The following CTNND2 variants were observed in gnomAD, a reference collection of about 807,000 sequenced individuals.
CTNND2 encodes the protein catenin delta-2.
A neutral mutation model predicts 144.4 loss-of-function variants in CTNND2; 22 were observed. The ratio of observed to expected loss-of-function variants is 0.15; its 90% CI spans 0.11 to 0.22. The LOEUF (loss-of-function observed/expected upper bound fraction) is 0.22. CTNND2 is among the 10% of genes least tolerant of loss of function. The pLI is 1.00. For missense variants in CTNND2, 1,353 were observed against 1,618.8 expected (o/e 0.84, Z 2.82); for synonymous variants, 751 against 695.6 (o/e 1.08, Z -1.25).
At chr5:11,729,399 G>C (rs1163227182) in intron 2 of CTNND2, among the ~76,000 whole-genome samples, 3 of 151,970 alleles carry the variant, frequency 2.0e-5, no homozygotes, top group Admixed American at 1.3e-4. Flanking sequence ...TACTTTTCTA[G>C]ATGCTCATAA....
At chr5:11,679,612 C>T (rs948311723) in intron 2 of CTNND2, among the ~76,000 whole-genome samples, 2 of 152,194 alleles carry the variant, frequency 1.3e-5, no homozygotes, top group African/African-American at 4.8e-5. Flanking sequence ...TCATTGGCTG[C>T]AATCAAGTGG....
At chr5:11,287,138 T>G (rs2150007917) in intron 9 of CTNND2, among the ~76,000 whole-genome samples, 1 of 152,364 alleles carries the variant, frequency 6.6e-6, no homozygotes, top group South Asian at 2.1e-4. Flanking sequence ...TCAATTTGAC[T>G]AGGCCACAGT....
chr5:11,655,080 T>C (rs2561627), intron 2 of CTNND2, among the ~76,000 whole-genome samples: 56,289 of 151,898 alleles, frequency 0.37, 13,543 homozygotes, highest in African/African-American at 0.69. Flanking sequence ...TCAGTTATAC[T>C]GGGTTAAATA....
chr5:11,882,208 T>G (rs2127077487), intron 1 of CTNND2, among the ~76,000 whole-genome samples: 1 of 152,148 alleles, frequency 6.6e-6, no homozygotes, highest in African/African-American at 2.4e-5. Context: ...TATACAGAAG[T>G]TTCTTAGTTT....
chr5:11,038,301 C>T (rs1472217909), intron 16 of CTNND2, among the ~76,000 whole-genome samples: 1 of 152,124 alleles, frequency 6.6e-6, no homozygotes, highest in East Asian at 1.9e-4. Context: ...ACAGCCTGAG[C>T]TTCGCCTTCT....
At chr5:11,170,637 C>T (rs1300613110) in intron 11 of CTNND2, among the ~76,000 whole-genome samples, 2 of 152,024 alleles carry the variant, frequency 1.3e-5, no homozygotes, top group Admixed American at 6.6e-5. Flanking sequence ...ATGGAAGAAA[C>T]ATCAGATTGA....
chr5:11,702,610 T>C (rs1785503419), intron 2 of CTNND2, among the ~76,000 whole-genome samples: 1 of 152,206 alleles, frequency 6.6e-6, no homozygotes, highest in South Asian at 2.1e-4. Flanking sequence ...TACAAGTCAC[T>C]GACTCCAAGC....
intron 1 of CTNND2, among the ~76,000 whole-genome samples, chr5:11,822,535 T>G (rs536189886): frequency 6.6e-6 from 1 of 152,192 alleles, no homozygotes; most frequent in Admixed American, 6.5e-5. Context: ...ATTCACGGTC[T>G]TCTCCTTGAA....
At chr5:11,533,055 G>GCAGC (rs1473167889) in intron 3 of CTNND2, among the ~76,000 whole-genome samples, 1 of 152,184 alleles carries the variant, frequency 6.6e-6, no homozygotes, top group Non-Finnish European at 1.5e-5. Context: ...CCATGAAGTG[G>GCAGC]CAGCCCAGGG....
At chr5:11,850,498 C>T (rs1794962047) in intron 1 of CTNND2, among the ~76,000 whole-genome samples, 1 of 152,096 alleles carries the variant, frequency 6.6e-6, no homozygotes, top group African/African-American at 2.4e-5. Flanking sequence ...AGTAATTCTA[C>T]TATACATTTG....
At chr5:11,803,087 C>G (rs1017423527) in intron 1 of CTNND2, among the ~76,000 whole-genome samples, 2 of 152,016 alleles carry the variant, frequency 1.3e-5, no homozygotes, top group African/African-American at 4.8e-5. Context: ...TTTGGGAGGC[C>G]GAGGCGGGTG....
rs181438297 is a variant in CTNND2, at chr5:11,901,618, C to T, written c.37+2199G>A. ...TGACTGGGTTATACAACTACACAAA[C>T]GTACACCAAATTAAATAACTCCTTT... On this transcript the variant is annotated intron_variant, in intron 1 of 21. Transcript: ENST00000304623. Among the ~76,000 whole-genome samples the T allele has an allele frequency of 6.3e-4, 96 of 152,266 alleles. 2 individuals carry two copies. The highest frequency in any genetic ancestry group is 5.2e-3 in the Admixed American group (79 of 15,292).
intron 1 of CTNND2, among the ~76,000 whole-genome samples, chr5:11,818,611 AC>A (rs1210264253): frequency 6.6e-6 from 1 of 151,982 alleles, no homozygotes; most frequent in East Asian, 1.9e-4. Flanking sequence ...TGAGTGATCC[AC>A]CCACCTTGGC....
chr5:11,829,819 T>C (rs1793799740), intron 1 of CTNND2, among the ~76,000 whole-genome samples: 1 of 152,070 alleles, frequency 6.6e-6, no homozygotes. Flanking sequence ...CACTGATGGT[T>C]TGCACCACAC....
intron 12 of CTNND2, 77 bp from the exon 13 acceptor site, chr5:11,117,644 A>C (rs1309753302): frequency 1.7e-6 from 2 of 1,145,666 alleles, no homozygotes; most frequent in Non-Finnish European, 2.6e-6. Flanking sequence ...AGCTGCTCTC[A>C]TAGTTTGAAA....
intron 2 of CTNND2, among the ~76,000 whole-genome samples, chr5:11,618,883 T>C (rs1388969371): frequency 6.6e-6 from 1 of 152,210 alleles, no homozygotes; most frequent in Admixed American, 6.5e-5. Context: ...CAGCTAAATG[T>C]AAAATACATT....
chr5:11,804,708 G>A (rs1791896627), intron 1 of CTNND2, among the ~76,000 whole-genome samples: 1 of 152,156 alleles, frequency 6.6e-6, no homozygotes, highest in Non-Finnish European at 1.5e-5. Flanking sequence ...TTTGGAAGGA[G>A]GAGAAAAGGG....
intron 5 of CTNND2, among the ~76,000 whole-genome samples, chr5:11,400,905 G>A (rs775603003): frequency 2.0e-5 from 3 of 152,208 alleles, no homozygotes; most frequent in Non-Finnish European, 4.4e-5. Context: ...AGTTGTTGTT[G>A]TTTAATATCA....
At chr5:11,102,709 A>G (rs112643526) in intron 14 of CTNND2, among the ~76,000 whole-genome samples, 5 of 152,162 alleles carry the variant, frequency 3.3e-5, no homozygotes, top group Non-Finnish European at 5.9e-5. Context: ...TTTTTGGAAA[A>G]AAAAGAGGAT....
Sources: allele counts gnomAD v4.1 joint callset (sites outside exome capture counted in the v4.1 genomes callset), GRCh38; gene constraint gnomAD v4.1.1; transcripts MANE v1.5; gene names NCBI Gene and HGNC (gene_info 2026-07-23, HGNC 2026-07-21).